GRIK3: variants seen among roughly 807,000 people sequenced by gnomAD.
GRIK3 encodes glutamate receptor ionotropic, kainate 3.
Under a neutral mutation model 102.5 loss-of-function variants are expected in GRIK3, and 29 were observed. That is an observed-to-expected ratio of 0.28 (90% CI 0.21 to 0.39). The LOEUF (loss-of-function observed/expected upper bound fraction) is 0.39. Ranked by LOEUF, GRIK3 falls within the 10% of genes least tolerant of loss-of-function variation. GRIK3 has a pLI of 1.00. For synonymous variants in GRIK3, 511 were observed against 504.9 expected, an observed-to-expected ratio of 1.01 and a Z score of -0.16; for missense variants, 908 against 1,252.4, an observed-to-expected ratio of 0.73 and a Z score of 4.15.
At chr1:36,931,494 T>C (rs1248043532) in intron 1 of GRIK3, among the ~76,000 whole-genome samples, 1 of 152,212 alleles carries the variant, frequency 6.6e-6, no homozygotes, top group African/African-American at 2.4e-5. Context: ...ATACATGTAT[T>C]TATTTACTTG....
chr1:36,969,728 A>G (rs1642121626), intron 1 of GRIK3, among the ~76,000 whole-genome samples: 1 of 152,264 alleles, frequency 6.6e-6, no homozygotes, highest in Non-Finnish European at 1.5e-5. Flanking sequence ...AAGGGAAGAC[A>G]CGGAACTCAC....
chr1:36,814,285 T>C (rs2124186164), intron 13 of GRIK3, among the ~76,000 whole-genome samples: 1 of 152,274 alleles, frequency 6.6e-6, no homozygotes, highest in South Asian at 2.1e-4. Context: ...GCCGTTTCAC[T>C]TTGATCGGGA....
intron 9 of GRIK3, among the ~76,000 whole-genome samples, chr1:36,842,984 C>G (rs1173621387): frequency 2.6e-5 from 4 of 152,080 alleles, no homozygotes; most frequent in African/African-American, 4.8e-5. Context: ...GCCAGACCCC[C>G]CACCATCCAC....
intron 2 of GRIK3, among the ~76,000 whole-genome samples, chr1:36,885,206 G>A (rs1641025037): frequency 6.6e-6 from 1 of 152,222 alleles, no homozygotes; most frequent in Non-Finnish European, 1.5e-5. Flanking sequence ...AAATGTGTTG[G>A]TGCCTTCACT....
rs1010903055 is a variant in GRIK3 at position 36,796,474 on chromosome 1, C to T, written c.*5377G>A. 6.6e-6 allele frequency: 1 copy of T among 152,256 alleles called. No homozygotes were observed. Among genetic ancestry groups the T allele is most frequent in the Non-Finnish European group, 1.5e-5 (1 of 68,084 alleles). 9.4% of individuals were successfully genotyped at this position (152,256 alleles called of 1,614,324 possible). On this transcript the variant is annotated 3_prime_UTR_variant, in exon 16 of 16. Transcript: ENST00000373091. ...GAGGTTGTCTGAGGCAAGGCAAACC[C>T]TTGGCTGGCATTTGACTGAATCTAT... is the stretch of plus-strand genomic sequence containing the variant.
Position 37,034,137 on chromosome 1 carries a change from C to T in GRIK3, c.-29G>A, listed in dbSNP as rs1160155907. ...TGGGCGCCGCCGAGCGTGCCCGGGG[C>T]GCGGCCGTGGCGGGCTCCCTGGGGC... is the stretch of plus-strand genomic sequence containing the variant. On this transcript the variant is annotated 5_prime_UTR_variant, in exon 1 of 16. Transcript: ENST00000373091. The T allele has an allele frequency of 4.6e-6, 6 of 1,297,854 alleles. No individual in the cohort carries two copies. The highest frequency in any genetic ancestry group is 1.5e-5 in the African/African-American group (1 of 64,860). 80.4% of individuals were successfully genotyped at this position (1,297,854 alleles called of 1,614,324 possible).
chr1:36,895,510 G>A (rs1253946220), intron 1 of GRIK3, among the ~76,000 whole-genome samples: 1 of 152,120 alleles, frequency 6.6e-6, no homozygotes. Context: ...TGCCTTTGAT[G>A]GGCTTGTAAG....
At chr1:36,878,320 C>G (rs1557711134) in intron 3 of GRIK3, among the ~76,000 whole-genome samples, 1 of 152,212 alleles carries the variant, frequency 6.6e-6, no homozygotes, top group African/African-American at 2.4e-5. Flanking sequence ...GGTGAATAAG[C>G]CAGGCTGGGG....
chr1:37,034,137 C>G lies in GRIK3; in HGVS notation c.-29G>C, dbSNP rs1160155907. 2 of 1,297,750 alleles carry G rather than the reference C, an allele frequency of 1.5e-6. No homozygotes were observed. The highest frequency in any genetic ancestry group is 2.1e-6 in the Non-Finnish European group (2 of 941,160). The allele number at this position is 1,297,750 out of a possible 1,614,324, so 80.4% of individuals were successfully genotyped here. On this transcript the variant is annotated 5_prime_UTR_variant, in exon 1 of 16. Transcript: ENST00000373091. The stretch of plus-strand genomic sequence containing the variant: ...TGGGCGCCGCCGAGCGTGCCCGGGG[C>G]GCGGCCGTGGCGGGCTCCCTGGGGC...
intron 1 of GRIK3, among the ~76,000 whole-genome samples, chr1:36,974,409 G>A (rs1642174196): frequency 6.6e-6 from 1 of 152,172 alleles, no homozygotes; most frequent in African/African-American, 2.4e-5. Context: ...AAACAGCACA[G>A]ATAATAGCCC....
At chr1:36,915,427 C>T (rs1291789730) in intron 1 of GRIK3, among the ~76,000 whole-genome samples, 1 of 152,136 alleles carries the variant, frequency 6.6e-6, no homozygotes, top group Non-Finnish European at 1.5e-5. Flanking sequence ...AATAAATATG[C>T]ACAAACATAC....
At chr1:36,967,149 A>T (rs1642088976) in intron 1 of GRIK3, among the ~76,000 whole-genome samples, 1 of 152,220 alleles carries the variant, frequency 6.6e-6, no homozygotes. Flanking sequence ...CTTCCCTTTT[A>T]ACCACTAGAC....
chr1:36,966,185 T>G (rs374126994), intron 1 of GRIK3, among the ~76,000 whole-genome samples: 3 of 152,234 alleles, frequency 2.0e-5, no homozygotes, highest in African/African-American at 7.2e-5. Flanking sequence ...ACCTTATCTG[T>G]TATCCTGAGG....
intron 15 of GRIK3, 185 bp downstream of exon 15, chr1:36,804,802 G>A (rs1642479624): frequency 4.1e-6 from 3 of 724,886 alleles, no homozygotes; most frequent in East Asian, 2.8e-5. Context: ...GTGGGGCAAC[G>A]GCGATGGAAA....
At chr1:36,855,559 G>C (rs1254830003) in intron 7 of GRIK3, among the ~76,000 whole-genome samples, 1 of 152,224 alleles carries the variant, frequency 6.6e-6, no homozygotes, top group African/African-American at 2.4e-5. Context: ...GTTAGAAAGT[G>C]GGCTCTGCAC....
At chr1:36,803,576 G>A (rs1642465651) in intron 15 of GRIK3, among the ~76,000 whole-genome samples, 1 of 152,098 alleles carries the variant, frequency 6.6e-6, no homozygotes, top group Admixed American at 6.5e-5. Context: ...GACTACAGGT[G>A]CAAGCCACCA....
intron 1 of GRIK3, among the ~76,000 whole-genome samples, chr1:36,941,768 G>A (rs940784445): frequency 6.6e-6 from 1 of 152,196 alleles, no homozygotes; most frequent in African/African-American, 2.4e-5. Context: ...TTCACAGATG[G>A]AGAAACTGAG....
intron 1 of GRIK3, among the ~76,000 whole-genome samples, chr1:36,922,961 G>A (rs976084675): frequency 2.0e-5 from 3 of 152,132 alleles, no homozygotes; most frequent in Admixed American, 6.5e-5. Context: ...TTGCAGCCTG[G>A]GAGCCCACAC....
At chr1:36,986,602 G>A (rs779753465) in intron 1 of GRIK3, among the ~76,000 whole-genome samples, 6 of 152,228 alleles carry the variant, frequency 3.9e-5, no homozygotes, top group Non-Finnish European at 8.8e-5. Flanking sequence ...CCCTCAAGGA[G>A]CTCCCAGCCT....
Sources: allele counts gnomAD v4.1 joint callset (sites outside exome capture counted in the v4.1 genomes callset), GRCh38; gene constraint gnomAD v4.1.1; transcripts MANE v1.5; gene names NCBI Gene and HGNC (gene_info 2026-07-23, HGNC 2026-07-21).